The following STAM variants were observed in gnomAD, a reference collection of about 807,000 sequenced individuals.
STAM encodes signal transducing adaptor molecule.
Under a neutral mutation model 63.4 loss-of-function variants are expected in STAM, and 16 were observed. The observed-to-expected ratio is 0.25, with a 90% confidence interval of 0.17 to 0.38. The LOEUF (loss-of-function observed/expected upper bound fraction) is 0.38. Ranked by LOEUF, STAM falls within the 10% of genes least tolerant of loss-of-function variation. The pLI, the probability that STAM is intolerant of heterozygous loss-of-function variation, is 1.00. For missense variants in STAM, 636 were observed against 657.1 expected, an observed-to-expected ratio of 0.97 and a Z score of 0.35; for synonymous variants, 238 against 223.9, an observed-to-expected ratio of 1.06 and a Z score of -0.56.
chr10:17,659,594 C>G lies in STAM; in HGVS notation c.41-870C>G, dbSNP rs192876557. Among the ~76,000 whole-genome samples, 3 of 150,426 alleles carry G rather than the reference C, an allele frequency of 2.0e-5. No homozygotes were observed. The Admixed American group carries it at 2.0e-4, about 10-fold the overall frequency. On this transcript the variant is annotated intron_variant, in intron 1 of 13. Coordinates refer to ENST00000377524, the MANE Select transcript of STAM (RefSeq NM_003473.4). Reference sequence around the variant, plus strand: ...AGTGATCCTCCCACTTCAGCCTTCTCGGTAGCTGGGAATACAGGTGCATGC... The same window carrying G: ...AGTGATCCTCCCACTTCAGCCTTCTGGGTAGCTGGGAATACAGGTGCATGC...
At chr10:17,646,469 G>A (rs45577835) in intron 1 of STAM, among the ~76,000 whole-genome samples, 2,609 of 152,162 alleles carry the variant, frequency 0.017, 24 homozygotes, top group Non-Finnish European at 0.024. Context: ...TGCCTTTACC[G>A]AATTATTTAG....
At position 17,700,177 on chromosome 10, in the gene STAM, T is replaced by C. The variant is rs1835927247; in HGVS notation, c.824-14T>C. ...TGTATTATTAAAAAAAGATAACTTT[T>C]ACATATCTTACAGTTAAAACAGAGA... On this transcript the variant is annotated splice_polypyrimidine_tract_variant and intron_variant, in intron 8 of 13. Coordinates refer to ENST00000377524, the MANE Select transcript of STAM (RefSeq NM_003473.4). The C allele has an allele frequency of 1.9e-6, 3 of 1,577,592 alleles. No individual in the cohort carries two copies. Among genetic ancestry groups the C allele is most frequent in the East Asian group, 2.3e-5 (1 of 44,210 alleles).
Position 17,705,109 on chromosome 10 carries a change from T to C in STAM, c.1055+85T>C. 8 of 1,024,656 alleles carry C rather than the reference T, an allele frequency of 7.8e-6. No homozygotes were observed. In the South Asian group the frequency reaches 9.4e-5, roughly 12 times the overall value. 63.5% of individuals were successfully genotyped at this position (1,024,656 alleles called of 1,614,324 possible). A position where few individuals can be genotyped will look rare whatever the true frequency, so the allele number is the denominator to read the frequency against. Reference sequence around the variant, plus strand: ...TGCAAAGTGGGCTATAACTGCCTTTTAAAAAAAAAATATTGTGGAGGAACC... The same window carrying C: ...TGCAAAGTGGGCTATAACTGCCTTTCAAAAAAAAAATATTGTGGAGGAACC... On this transcript the variant is annotated intron_variant, in intron 11 of 13. Transcript: ENST00000377524.
intron 1 of STAM, among the ~76,000 whole-genome samples, chr10:17,654,395 TG>T (rs1421133921): frequency 6.6e-6 from 1 of 151,960 alleles, no homozygotes; most frequent in Non-Finnish European, 1.5e-5. Context: ...GCTAATTTTT[TG>T]TATTTTTAGT....
chr10:17,667,435 T>G (rs1183598102), intron 2 of STAM, among the ~76,000 whole-genome samples: 1 of 152,218 alleles, frequency 6.6e-6, no homozygotes, highest in Non-Finnish European at 1.5e-5. Context: ...AGAATTTTTT[T>G]TTTAAAACGT....
rs1554830531 is a variant in STAM, at chr10:17,714,598, A to G, written c.1441A>G (p.Ser481Gly). Residue 481 changes from serine (S) to glycine (G), a missense_variant, in exon 14 of 14, where the codon AGT becomes GGT. Physicochemically the swap from Ser to Gly is moderately conservative, Grantham distance 56. This residue lies in a region of STAM where 532 missense variants were observed against 536.9 expected (regional missense o/e 0.99). Coordinates refer to ENST00000377524, the MANE Select transcript of STAM (RefSeq NM_003473.4). ...NTYPSQAPVY[S>G]PPPAATAAAA... ...ATATCCCAGCCAGGCGCCAGTATAT[A>G]GTCCTCCTCCTGCCGCTACTGCTGC... The G allele has an allele frequency of 1.2e-6, 2 of 1,614,192 alleles. No homozygotes were observed. The highest frequency in any genetic ancestry group is 1.7e-6 in the Non-Finnish European group (2 of 1,180,026).
chr10:17,694,841 C>G lies in STAM; in HGVS notation c.536-208C>G, dbSNP rs3813861. 243 of 438,000 alleles carry G rather than the reference C, an allele frequency of 5.5e-4. 2 individuals are homozygous for G. The East Asian group carries it at 8.0e-3, about 14-fold the overall frequency. The allele number at this position is 438,000 out of a possible 1,614,324, so 27.1% of individuals were successfully genotyped here. On this transcript the variant is annotated intron_variant, in intron 6 of 13. Coordinates refer to ENST00000377524, the MANE Select transcript of STAM (RefSeq NM_003473.4). ...TAAAAATAGGAGTTTTCATGCTGTTCCAATTTTGTTAATTTATTTTTAAAC... is the reference window on the plus strand; with the variant it reads ...TAAAAATAGGAGTTTTCATGCTGTTGCAATTTTGTTAATTTATTTTTAAAC...
intron 13 of STAM, 52 bp from the exon 14 acceptor site, chr10:17,714,491 G>A (rs1554830457): frequency 2.4e-5 from 36 of 1,513,998 alleles, no homozygotes; most frequent in Non-Finnish European, 1.2e-5. Context: ...TTTATCTGTA[G>A]TTGCTCTATA....
At chr10:17,651,933 A>G (rs1833757703) in intron 1 of STAM, among the ~76,000 whole-genome samples, 1 of 152,226 alleles carries the variant, frequency 6.6e-6, no homozygotes, top group Non-Finnish European at 1.5e-5. Context: ...GAGAAAAATC[A>G]AAAGTTGCTG....
intron 2 of STAM, among the ~76,000 whole-genome samples, chr10:17,662,199 A>G (rs1333642270): frequency 6.6e-6 from 1 of 152,108 alleles, no homozygotes; most frequent in Non-Finnish European, 1.5e-5. Context: ...AGTCTTCTGA[A>G]TCATGCATTT....
intron 1 of STAM, among the ~76,000 whole-genome samples, chr10:17,658,851 A>G (rs1834048723): frequency 6.6e-6 from 1 of 152,292 alleles, no homozygotes; most frequent in Non-Finnish European, 1.5e-5. Flanking sequence ...TAGACAACAT[A>G]CAGTTGTGTG....
At chr10:17,684,400 G>A (rs1265659685) in intron 2 of STAM, among the ~76,000 whole-genome samples, 2 of 151,820 alleles carry the variant, frequency 1.3e-5, no homozygotes, top group Non-Finnish European at 2.9e-5. Context: ...GGAAGTCATG[G>A]CCTACCATTT....
Position 17,666,387 on chromosome 10 carries a change from A to T in STAM, c.125+5839A>T, listed in dbSNP as rs1449277766. On this transcript the variant is annotated intron_variant, in intron 2 of 13. Transcript: ENST00000377524. ...TAAAAATGTTTTTCCTTGGCTTTGT[A>T]TTTTTTTTTTTTTTTTTTTTTTTTT... Among the ~76,000 whole-genome samples, 629 of 85,656 alleles carry T rather than the reference A, an allele frequency of 7.3e-3. 1 individual carries two copies. Among genetic ancestry groups the T allele is most frequent in the African/African-American group, 0.018 (368 of 19,902 alleles). The allele number at this position is 85,656 out of a possible 152,430, so 56.2% of individuals were successfully genotyped here. A position where few individuals can be genotyped will look rare whatever the true frequency, so the allele number is the denominator to read the frequency against.
At chr10:17,689,887 C>T (rs552142895) in intron 5 of STAM, among the ~76,000 whole-genome samples, 16 of 152,252 alleles carry the variant, frequency 1.1e-4, no homozygotes, top group South Asian at 8.3e-4. Context: ...TTTATATGCA[C>T]GTTGAGGTCT....
rs1554830776 is a variant in STAM at position 17,715,479 on chromosome 10, G to A, written c.*699G>A. On this transcript the variant is annotated 3_prime_UTR_variant, in exon 14 of 14. Coordinates refer to ENST00000377524, the MANE Select transcript of STAM (RefSeq NM_003473.4). Reference sequence around the variant, plus strand: ...CTGGCTGTCATCACACCAGCGTACAGTAGCTAAATTTTTGGTGCAATTATA... The same window carrying A: ...CTGGCTGTCATCACACCAGCGTACAATAGCTAAATTTTTGGTGCAATTATA... 6.6e-6 allele frequency: 1 copy of A among 151,748 alleles called. No homozygotes were observed. Among genetic ancestry groups the A allele is most frequent in the African/African-American group, 2.4e-5 (1 of 41,316 alleles). The allele number at this position is 151,748 out of a possible 1,614,324, so 9.4% of individuals were successfully genotyped here.
At chr10:17,646,142 C>G (rs1833511984) in intron 1 of STAM, among the ~76,000 whole-genome samples, 1 of 152,210 alleles carries the variant, frequency 6.6e-6, no homozygotes, top group Non-Finnish European at 1.5e-5. Context: ...AACTCAGAAT[C>G]CAACTTGTTA....
chr10:17,698,188 C>T (rs1564564345), intron 8 of STAM, among the ~76,000 whole-genome samples: 1 of 152,090 alleles, frequency 6.6e-6, no homozygotes, highest in African/African-American at 2.4e-5. Flanking sequence ...ATTGGTGAGA[C>T]CCAGTCTTTC....
At chr10:17,708,039 C>T (rs1367123867) in intron 12 of STAM, among the ~76,000 whole-genome samples, 2 of 152,026 alleles carry the variant, frequency 1.3e-5, no homozygotes, top group African/African-American at 2.4e-5. Context: ...TGCAGGCGCC[C>T]GCCACCACGC....
chr10:17,702,684 A>G (rs1404469165), intron 9 of STAM, among the ~76,000 whole-genome samples: 1 of 152,224 alleles, frequency 6.6e-6, no homozygotes, highest in African/African-American at 2.4e-5. Context: ...CACCTGGGCT[A>G]GGAGAAGTGA....
Sources: allele counts gnomAD v4.1 joint callset (sites outside exome capture counted in the v4.1 genomes callset), GRCh38; gene constraint gnomAD v4.1.1; regional missense constraint gnomAD v4.1.1; transcripts MANE v1.5; gene names NCBI Gene and HGNC (gene_info 2026-07-23, HGNC 2026-07-21).